Variants in GRM1 observed in about 807,000 individuals in gnomAD.
The protein encoded by GRM1 is metabotropic glutamate receptor 1.
In GRM1, 33 loss-of-function variants were observed where a neutral mutation model predicts 90.9. The observed-to-expected ratio is 0.36, with a 90% CI of 0.28 to 0.49. The LOEUF is 0.49. GRM1 is among the 20% of genes least tolerant of loss of function. The pLI is 0.99. For synonymous variants in GRM1, 700 were observed against 613.2 expected (o/e 1.14, Z -2.09); for missense variants, 1,190 against 1,534.3 (o/e 0.78, Z 3.75).
At chr6:146,317,506 G>A (rs771263323) in intron 3 of GRM1, among the ~76,000 whole-genome samples, 8 of 151,964 alleles carry the variant, frequency 5.3e-5, no homozygotes, top group Non-Finnish European at 1.0e-4. Context: ...TGTTGGTTTC[G>A]TTGTGTTATA....
chr6:146,429,597 G>A (rs1158453499), intron 7 of GRM1, among the ~76,000 whole-genome samples: 14 of 152,138 alleles, frequency 9.2e-5, no homozygotes, highest in Admixed American at 9.2e-4. Context: ...CTGGACAGCT[G>A]TATTTCCAGC....
intron 1 of GRM1, among the ~76,000 whole-genome samples, chr6:146,121,883 T>C (rs1776002286): frequency 6.6e-6 from 1 of 152,222 alleles, no homozygotes; most frequent in South Asian, 2.1e-4. Flanking sequence ...AAGTGCAATG[T>C]GGTGCTGAGA....
intron 6 of GRM1, among the ~76,000 whole-genome samples, chr6:146,397,473 C>CAAAAAAAAAAAAAAAAAAAAAA (rs1195779695): frequency 1.8e-4 from 3 of 16,774 alleles, no homozygotes; most frequent in Middle Eastern, 0.028. Flanking sequence ...GACCCCGTCT[C>CAAAAAAAAAAAAAAAAAAAAAA]AAAAAAAAAA....
chr6:146,375,386 C>A (rs1286028604), intron 5 of GRM1, among the ~76,000 whole-genome samples: 3 of 151,918 alleles, frequency 2.0e-5, no homozygotes, highest in Non-Finnish European at 4.4e-5. Flanking sequence ...TAGATGAAAT[C>A]TTCTGTAATT....
chr6:146,157,510 G>C (rs1170927236), intron 1 of GRM1, among the ~76,000 whole-genome samples: 1 of 152,182 alleles, frequency 6.6e-6, no homozygotes, highest in Non-Finnish European at 1.5e-5. Flanking sequence ...ATGCTAAAAA[G>C]GAAAGAATAG....
chr6:146,322,000 C>G (rs2114971974), intron 3 of GRM1, among the ~76,000 whole-genome samples: 1 of 152,128 alleles, frequency 6.6e-6, no homozygotes, highest in Non-Finnish European at 1.5e-5. Flanking sequence ...GGAGAAGAGG[C>G]CTTTTTGCAA....
chr6:146,315,374 G>A (rs1033781815), intron 3 of GRM1, among the ~76,000 whole-genome samples: 3 of 152,240 alleles, frequency 2.0e-5, no homozygotes, highest in Non-Finnish European at 4.4e-5. Context: ...GCAGCAGAAT[G>A]AGAATCTGCC....
chr6:146,166,256 T>C (rs1353132189), intron 2 of GRM1, among the ~76,000 whole-genome samples: 1 of 152,120 alleles, frequency 6.6e-6, no homozygotes, highest in African/African-American at 2.4e-5. Flanking sequence ...GTCAGGACTT[T>C]GGATCTTATT....
intron 2 of GRM1, among the ~76,000 whole-genome samples, chr6:146,176,737 C>T (rs536045722): frequency 6.6e-6 from 1 of 151,986 alleles, no homozygotes; most frequent in Non-Finnish European, 1.5e-5. Context: ...TCAATAAGTT[C>T]TTAGAAGAGG....
chr6:146,155,350 A>G (rs189429144), intron 1 of GRM1, among the ~76,000 whole-genome samples: 124 of 152,312 alleles, frequency 8.1e-4, no homozygotes, highest in Admixed American at 1.4e-3. Context: ...TCAGTACAGT[A>G]TCATGCTGTT....
At chr6:146,404,923 A>T (rs1259789150) in intron 7 of GRM1, among the ~76,000 whole-genome samples, 1 of 152,220 alleles carries the variant, frequency 6.6e-6, no homozygotes, top group Non-Finnish European at 1.5e-5. Context: ...AAAGCCTTAA[A>T]CTAGAGCAGT....
At chr6:146,152,789 A>C (rs1777388283) in intron 1 of GRM1, among the ~76,000 whole-genome samples, 1 of 152,208 alleles carries the variant, frequency 6.6e-6, no homozygotes. Flanking sequence ...TTAAGAGTTC[A>C]ATAAAATATT....
At chr6:146,397,333 G>C (rs1776983676) in intron 6 of GRM1, among the ~76,000 whole-genome samples, 1 of 151,680 alleles carries the variant, frequency 6.6e-6, no homozygotes, top group Non-Finnish European at 1.5e-5. Flanking sequence ...AATTAGCCGG[G>C]CATGGTGGCG....
At chr6:146,262,172 C>G (rs981818950) in intron 2 of GRM1, among the ~76,000 whole-genome samples, 3 of 151,294 alleles carry the variant, frequency 2.0e-5, no homozygotes, top group Non-Finnish European at 4.4e-5. Flanking sequence ...TAAAAATGGC[C>G]AAGAATTTTG....
At chr6:146,145,239 T>C (rs1388630740) in intron 1 of GRM1, among the ~76,000 whole-genome samples, 1 of 152,194 alleles carries the variant, frequency 6.6e-6, no homozygotes, top group Non-Finnish European at 1.5e-5. Context: ...ACCAAGATTG[T>C]AGCTCAGCAA....
At chr6:146,130,206 T>C (rs993665982) in intron 1 of GRM1, among the ~76,000 whole-genome samples, 1 of 152,118 alleles carries the variant, frequency 6.6e-6, no homozygotes, top group African/African-American at 2.4e-5. Context: ...TTTCTGAGAC[T>C]CTAGATTTAG....
chr6:146,074,355 T>G (rs960619622), intron 1 of GRM1, among the ~76,000 whole-genome samples: 1 of 151,994 alleles, frequency 6.6e-6, no homozygotes, highest in Non-Finnish European at 1.5e-5. Context: ...AGAAGAGTAA[T>G]AAGGATGATG....
At position 146,198,942 on chromosome 6, in the gene GRM1, C is replaced by T. The variant is rs1779211124; in HGVS notation, c.950+39345C>T. Among the ~76,000 whole-genome samples the T allele has an allele frequency of 2.6e-5, 4 of 152,168 alleles. No individual in the cohort carries two copies. In the South Asian group the frequency reaches 8.3e-4, roughly 31 times the overall value. ...AATTCCCTTCAGCCATCCAATCCTC[C>T]ATTCTTACTTTCTGCATTTGTTACT... is the stretch of plus-strand genomic sequence containing the variant. On this transcript the variant is annotated intron_variant, in intron 2 of 7. Transcript: ENST00000282753.
At chr6:146,268,728 C>T (rs1054978529) in intron 2 of GRM1, among the ~76,000 whole-genome samples, 4 of 152,204 alleles carry the variant, frequency 2.6e-5, no homozygotes, top group Admixed American at 1.3e-4. Flanking sequence ...GCAGCCCCTG[C>T]AGTACTTCAG....
Sources: allele counts gnomAD v4.1 joint callset (sites outside exome capture counted in the v4.1 genomes callset), GRCh38; gene constraint gnomAD v4.1.1; transcripts MANE v1.5; gene names NCBI Gene and HGNC (gene_info 2026-07-23, HGNC 2026-07-21).